The following GP6 variants were observed in gnomAD, a reference collection of about 807,000 sequenced individuals.
GP6 encodes platelet glycoprotein VI.
Under a neutral mutation model 37.3 loss-of-function variants are expected in GP6, and 45 were observed. The ratio of observed to expected loss-of-function variants is 1.21; its 90% CI spans 0.95 to 1.55. GP6 has a LOEUF of 1.55. Ranked by LOEUF, GP6 falls within the 40% of genes most tolerant of loss-of-function variation. The pLI is 0.00. For missense variants in GP6, 813 were observed against 760.2 expected, an observed-to-expected ratio of 1.07 and a Z score of -0.82; for synonymous variants, 340 against 316.4, an observed-to-expected ratio of 1.07 and a Z score of -0.79.
At chr19:55,029,907 A>G (rs2074497589) in intron 3 of GP6, among the ~76,000 whole-genome samples, 1 of 151,872 alleles carries the variant, frequency 6.6e-6, no homozygotes, top group South Asian at 2.1e-4. Context: ...TGAGGCAGGG[A>G]AGAGGGGAGG....
At chr19:55,023,104 A>G (rs138793487) in intron 5 of GP6, among the ~76,000 whole-genome samples, 1 of 152,206 alleles carries the variant, frequency 6.6e-6, no homozygotes, top group Non-Finnish European at 1.5e-5. Flanking sequence ...ACTTCAGACT[A>G]TATTACAAGG....
At chr19:55,037,027 AAAAG>A (rs879399893) in intron 1 of GP6, among the ~76,000 whole-genome samples, 3 of 152,160 alleles carry the variant, frequency 2.0e-5, no homozygotes, top group Non-Finnish European at 4.4e-5. Flanking sequence ...AAAACAAACA[AAAAG>A]AAAAAAAGAA....
intron 3 of GP6, among the ~76,000 whole-genome samples, chr19:55,030,860 G>GT (rs2074536460): frequency 1.3e-5 from 2 of 151,932 alleles, no homozygotes; most frequent in African/African-American, 4.8e-5. Context: ...TTTTTTGTTT[G>GT]TTTTTTGATA....
At position 55,027,612 on chromosome 19, in the gene GP6, T is replaced by C. The variant is rs1654425; in HGVS notation, c.576A>G (p.Ser192=). The C allele has an allele frequency of 0.85, 1,371,876 of 1,612,182 alleles. 585,513 individuals carry two copies. Among genetic ancestry groups the C allele is most frequent in the East Asian group, 0.98 (43,997 of 44,860 alleles). ...CAAGCTCCAGGGGGTCGCTGGGGGC[T>C]GACCACAGGTATGGGTCCCTGCTGG... is the stretch of plus-strand genomic sequence containing the variant. The change falls in exon 4 of 8, where the codon TCA becomes TCG. Residue 192 remains serine (S), a synonymous_variant. Transcript: ENST00000310373.
chr19:55,037,360 G>A (rs536397176), intron 1 of GP6, among the ~76,000 whole-genome samples: 75 of 148,070 alleles, frequency 5.1e-4, no homozygotes, highest in African/African-American at 1.6e-3. Context: ...TTTTTGAGAC[G>A]GAGTTTCGCT....
chr19:55,025,047 C>G (rs1203012942), intron 5 of GP6, among the ~76,000 whole-genome samples, 171 bp downstream of exon 5: 1 of 152,186 alleles, frequency 6.6e-6, no homozygotes, highest in Non-Finnish European at 1.5e-5. Context: ...TAACATCTAA[C>G]TACTTAGGAC....
chr19:55,021,496 CCTG>C (rs1045122990), intron 5 of GP6, among the ~76,000 whole-genome samples: 2 of 148,900 alleles, frequency 1.3e-5, no homozygotes, highest in African/African-American at 2.5e-5. Flanking sequence ...CTCGCCAGCA[CCTG>C]TTGTTTCTTG....
In GP6 at chr19:55,015,724, C is replaced by A; in HGVS notation, c.734G>T (p.Arg245Met). ...CTCCTTTGGACTGGCGGTGATACTC[C>A]TAGAAGTCTCTGGGAACCAAACAAA... The change falls in exon 7 of 8, where the codon AGG becomes ATG. Residue 245 changes from arginine (R) to methionine (M), a missense_variant. Coordinates refer to ENST00000310373, the MANE Select transcript of GP6 (RefSeq NM_001083899.2). The A allele has an allele frequency of 6.4e-7, 1 of 1,558,046 alleles. No homozygotes were observed.
rs41275822 is a variant in GP6 at position 55,014,450 on chromosome 19, C to T, written c.1495G>A (p.Gly499Ser). The T allele has an allele frequency of 0.028, 44,385 of 1,613,282 alleles. 744 individuals carry two copies. Among genetic ancestry groups the T allele is most frequent in the Non-Finnish European group, 0.031 (36,713 of 1,179,260 alleles). ...AGAGACGAAAGGAGATTTGTTAGACCGCAGTGGGAGATGGAGTGAGGGTGA... is the reference window on the plus strand; with the variant it reads ...AGAGACGAAAGGAGATTTGTTAGACTGCAGTGGGAGATGGAGTGAGGGTGA... Residue 499 changes from glycine to serine, a missense_variant, in exon 8 of 8, where the codon GGT becomes AGT. By Grantham distance (56) the Gly-to-Ser change is moderately conservative. Coordinates refer to ENST00000310373, the MANE Select transcript of GP6 (RefSeq NM_001083899.2).
At chr19:55,030,240 C>T (rs1446628150) in intron 3 of GP6, among the ~76,000 whole-genome samples, 1 of 152,206 alleles carries the variant, frequency 6.6e-6, no homozygotes, top group Non-Finnish European at 1.5e-5. Flanking sequence ...GTCCCAGCTA[C>T]TAGGGAGGAC....
chr19:55,014,972 C>T lies in GP6; in HGVS notation c.973G>A (p.Gly325Arg), dbSNP rs200948100. 4.3e-6 allele frequency: 7 copies of T among 1,613,566 alleles called. No individual in the cohort carries two copies. The African/African-American group carries it at 5.3e-5, about 12-fold the overall frequency. The change falls in exon 8 of 8, where the codon GGG (glycine) becomes AGG (arginine). Residue 325 changes from glycine to arginine, a missense_variant. Transcript: ENST00000310373. ...CATCCTGTCGGCCTCCATCCTGACC[C>T]CCGTTTGATTTCCGGGTCAGCGGGA...
In GP6 at chr19:55,027,576, A is replaced by G. The variant is rs911861220; in HGVS notation, c.610+2T>C. On this transcript the variant is annotated splice_donor_variant, in intron 4 of 7. Coordinates refer to ENST00000310373, the MANE Select transcript of GP6 (RefSeq NM_001083899.2). LOFTEE classifies it high-confidence loss of function. Reference sequence around the variant, plus strand: ...GAAAGGTTTGGTCTGCACTACCCCTACCTGTGACCACAAGCTCCAGGGGGT... The same window carrying G: ...GAAAGGTTTGGTCTGCACTACCCCTGCCTGTGACCACAAGCTCCAGGGGGT... The G allele has an allele frequency of 6.2e-7, 1 of 1,611,422 alleles. No individual in the cohort carries two copies. The highest frequency in any genetic ancestry group is 8.5e-7 in the Non-Finnish European group (1 of 1,177,882).
In GP6 at chr19:55,024,345, C is replaced by CAT. The variant is rs1568613438; in HGVS notation, c.664+871_664+872dup. 2.5e-3 allele frequency among the ~76,000 whole-genome samples: 353 copies of CAT among 139,626 alleles called. 10 individuals carry two copies. Among genetic ancestry groups the CAT allele is most frequent in the African/African-American group, 8.9e-3 (340 of 38,398 alleles). The allele number at this position is 139,626 out of a possible 152,430, so 91.6% of individuals were successfully genotyped here. On this transcript the variant is annotated intron_variant, in intron 5 of 7. Transcript: ENST00000310373. ...ACACACATATGCACGCACACACGCA[C>CAT]ATGCACGCACACACACATATGCACG...
chr19:55,033,539 A>ACGGTGGGCTCGTTCGTGTTAGACG (rs2074694916), intron 1 of GP6, among the ~76,000 whole-genome samples: 1 of 136,096 alleles, frequency 7.3e-6, no homozygotes, highest in South Asian at 2.4e-4. Flanking sequence ...TGTGTTAGAC[A>ACGGTGGGCTCGTTCGTGTTAGACG]CGGTGGGCTC....
chr19:55,037,885 G>C (rs1333675558), intron 1 of GP6, among the ~76,000 whole-genome samples: 3 of 151,814 alleles, frequency 2.0e-5, no homozygotes, highest in Admixed American at 6.6e-5. Flanking sequence ...GGCCTCCCAA[G>C]GTTGAGATTA....
chr19:55,032,051 C>T, intron 3 of GP6, 88 bp downstream of exon 3: 3 of 1,349,908 alleles, frequency 2.2e-6, no homozygotes, highest in South Asian at 1.2e-5. Context: ...TCGTTTGCCT[C>T]ACCCTAATCC....
chr19:55,028,856 TG>T (rs1226698686), intron 3 of GP6, among the ~76,000 whole-genome samples: 1 of 151,966 alleles, frequency 6.6e-6, no homozygotes, highest in Admixed American at 6.6e-5. Context: ...AGGTTGAGGC[TG>T]GGTGCGGCGG....
intron 4 of GP6, among the ~76,000 whole-genome samples, chr19:55,026,391 C>T (rs1231905800): frequency 2.6e-5 from 4 of 152,230 alleles, no homozygotes; most frequent in Middle Eastern, 3.4e-3. Context: ...TGTGTTTCTA[C>T]AGTGTTGACA....
In GP6 at chr19:55,033,757, C is replaced by A. The variant is rs114673505; in HGVS notation, c.35-1219G>T. 8.0e-3 allele frequency among the ~76,000 whole-genome samples: 1,222 copies of A among 152,110 alleles called. 11 individuals carry two copies. Among genetic ancestry groups the A allele is most frequent in the Middle Eastern group, 0.027 (8 of 294 alleles). On this transcript the variant is annotated intron_variant, in intron 1 of 7. Transcript: ENST00000310373. ...TATTTTATTGTCTATGTAATATATG[C>A]GATAAAACCCCACACTAATGGGATG...
Sources: gnomAD v4.1 joint callset for allele counts (sites outside exome capture counted in the v4.1 genomes callset) on GRCh38, gnomAD v4.1.1 for gene constraint, MANE v1.5 for transcripts, NCBI Gene and HGNC (gene_info 2026-07-23, HGNC 2026-07-21) for gene names.